Variants in LAMA1 observed in about 807,000 individuals in gnomAD.
LAMA1 encodes laminin subunit alpha 1.
A neutral mutation model predicts 348.7 loss-of-function variants in LAMA1; 219 were observed. The observed-to-expected ratio is 0.63, with a 90% CI of 0.56 to 0.70. The LOEUF (loss-of-function observed/expected upper bound fraction) is 0.70, where lower values mean the gene tolerates loss of function less well. LAMA1 is among the 30% of genes least tolerant of loss of function. LAMA1 has a pLI of 0.00. For synonymous variants in LAMA1, 1,487 were observed against 1,491.0 expected, an observed-to-expected ratio of 1.00 and a Z score of 0.06; for missense variants, 3,744 against 3,888.0, an observed-to-expected ratio of 0.96 and a Z score of 0.99.
chr18:7,109,968 G>A (rs1192673709), intron 1 of LAMA1, among the ~76,000 whole-genome samples: 1 of 152,194 alleles, frequency 6.6e-6, no homozygotes, highest in Non-Finnish European at 1.5e-5. Context: ...TGGATCACAA[G>A]GTCAGGAGAT....
At chr18:7,045,458 A>G (rs651503) in intron 6 of LAMA1, among the ~76,000 whole-genome samples, 31,455 of 152,190 alleles carry the variant, frequency 0.21, 9,594 homozygotes, top group African/African-American at 0.67. Context: ...CAACAAGAGC[A>G]AAACTGTCTC....
intron 61 of LAMA1, among the ~76,000 whole-genome samples, chr18:6,943,789 G>A (rs2057510540): frequency 7.2e-6 from 1 of 138,544 alleles, no homozygotes; most frequent in Non-Finnish European, 1.5e-5. Context: ...GTTGCGGTGA[G>A]CCAAGATCGT....
At chr18:7,116,978 C>G (rs1027244651) in intron 1 of LAMA1, among the ~76,000 whole-genome samples, 2 of 152,128 alleles carry the variant, frequency 1.3e-5, no homozygotes, top group Non-Finnish European at 2.9e-5. Context: ...CGGTCAATCC[C>G]GCGCAGTGAA....
chr18:7,016,707 A>G (rs1600395822), intron 20 of LAMA1, 36 bp from the exon 21 acceptor site: 1 of 1,554,020 alleles, frequency 6.4e-7, no homozygotes, highest in Non-Finnish European at 8.8e-7. Context: ...GGAAACCAAC[A>G]TACGTTTTAA....
chr18:7,048,157 C>A (rs890594774), intron 5 of LAMA1, among the ~76,000 whole-genome samples: 8 of 151,970 alleles, frequency 5.3e-5, no homozygotes, highest in Non-Finnish European at 8.8e-5. Flanking sequence ...ATATAAAATT[C>A]TTTTATAAGT....
chr18:7,007,947 T>C (rs565475), intron 28 of LAMA1, among the ~76,000 whole-genome samples: 11,512 of 151,676 alleles, frequency 0.076, 497 homozygotes, highest in Non-Finnish European at 0.1. Flanking sequence ...ATTTATTTAT[T>C]TTTGAGACGG....
intron 1 of LAMA1, among the ~76,000 whole-genome samples, chr18:7,083,152 C>T (rs1183607360): frequency 6.6e-6 from 1 of 151,552 alleles, no homozygotes; most frequent in South Asian, 2.1e-4. Context: ...TTGCACTAGA[C>T]AGGTTTCTTA....
chr18:6,964,384 G>T (rs574720959), intron 51 of LAMA1, among the ~76,000 whole-genome samples: 1 of 152,266 alleles, frequency 6.6e-6, no homozygotes, highest in African/African-American at 2.4e-5. Flanking sequence ...CAACATGACA[G>T]TTGTCCTTAT....
At chr18:7,075,406 T>C (rs1006536275) in intron 3 of LAMA1, among the ~76,000 whole-genome samples, 5 of 152,104 alleles carry the variant, frequency 3.3e-5, no homozygotes, top group Non-Finnish European at 7.4e-5. Context: ...GCAGGTCACC[T>C]GAGGTTGGGA....
At chr18:7,045,716 G>C (rs112175528) in intron 6 of LAMA1, among the ~76,000 whole-genome samples, 2 of 151,812 alleles carry the variant, frequency 1.3e-5, no homozygotes, top group Non-Finnish European at 2.9e-5. Flanking sequence ...ATACCACCAC[G>C]CCCCACTAAT....
At chr18:6,968,305 T>C (rs2057642866) in intron 48 of LAMA1, among the ~76,000 whole-genome samples, 1 of 152,062 alleles carries the variant, frequency 6.6e-6, no homozygotes, top group Non-Finnish European at 1.5e-5. Flanking sequence ...GGCTCCCTCA[T>C]GAGATGTGGA....
chr18:7,066,751 C>T (rs59157781), intron 3 of LAMA1, among the ~76,000 whole-genome samples: 2,082 of 152,050 alleles, frequency 0.014, 42 homozygotes, highest in African/African-American at 0.047. Flanking sequence ...CTCTATACTA[C>T]CAAGGAATTG....
At chr18:7,051,787 A>C (rs2058063094) in intron 3 of LAMA1, among the ~76,000 whole-genome samples, 1 of 152,228 alleles carries the variant, frequency 6.6e-6, no homozygotes, top group Non-Finnish European at 1.5e-5. Context: ...AATGCTGGGG[A>C]GGATGTGGAG....
Position 6,950,782 on chromosome 18 carries a change from C to T in LAMA1, c.8397G>A (p.Thr2799=), listed in dbSNP as rs2057542778. 3.7e-6 allele frequency: 6 copies of T among 1,613,786 alleles called. No homozygotes were observed. Among genetic ancestry groups the T allele is most frequent in the Non-Finnish European group, 4.2e-6 (5 of 1,179,928 alleles). The part of the protein sequence containing the change: ...PALLSDGKWH[T]VKTDYVKRKG... ...CACCACAAGCCTCCTGAGATCGTAC[C>T]GTGTGCCACTTGCCATCACTGAGCA... Residue 2799 remains threonine, a splice_region_variant and synonymous_variant, in exon 58 of 63, where the codon ACG becomes ACA. Transcript: ENST00000389658.
intron 38 of LAMA1, 33 bp from the exon 39 acceptor site, chr18:6,985,433 C>T (rs1478660213): frequency 2.5e-6 from 4 of 1,610,876 alleles, no homozygotes; most frequent in East Asian, 2.2e-5. Flanking sequence ...TAAATATATG[C>T]ACATCTACTT....
intron 61 of LAMA1, among the ~76,000 whole-genome samples, chr18:6,944,143 A>G (rs1036892508): frequency 6.6e-6 from 1 of 152,006 alleles, no homozygotes; most frequent in African/African-American, 2.4e-5. Flanking sequence ...AGCCTCCCGC[A>G]TAGCTGGGAT....
intron 1 of LAMA1, among the ~76,000 whole-genome samples, chr18:7,112,491 A>G (rs7226766): frequency 0.11 from 17,061 of 151,938 alleles, 2,473 homozygotes; most frequent in African/African-American, 0.34. Flanking sequence ...CAAAAAATTA[A>G]AGCCAGTGGT....
At chr18:7,066,585 A>G (rs1341142398) in intron 3 of LAMA1, among the ~76,000 whole-genome samples, 2 of 152,320 alleles carry the variant, frequency 1.3e-5, no homozygotes, top group East Asian at 3.9e-4. Context: ...AAGATAATAA[A>G]TCAGACCAAA....
chr18:7,056,734 C>T (rs1598300007), intron 3 of LAMA1, among the ~76,000 whole-genome samples: 1 of 152,312 alleles, frequency 6.6e-6, no homozygotes, highest in Middle Eastern at 3.4e-3. Flanking sequence ...ATAGTGGCAG[C>T]TCTTCCAGTT....
Sources: allele counts gnomAD v4.1 joint callset (sites outside exome capture counted in the v4.1 genomes callset), GRCh38; gene constraint gnomAD v4.1.1; transcripts MANE v1.5; gene names NCBI Gene and HGNC (gene_info 2026-07-23, HGNC 2026-07-21).